Variants in COL4A1 observed in about 807,000 individuals in gnomAD.
The protein encoded by COL4A1 is collagen alpha-1(IV) chain.
A neutral mutation model predicts 216.6 loss-of-function variants in COL4A1; 40 were observed. The observed-to-expected ratio is 0.18, with a 90% CI of 0.14 to 0.24. The LOEUF is 0.24. Ranked by LOEUF, COL4A1 falls within the 10% of genes least tolerant of loss-of-function variation. COL4A1 has a pLI of 1.00. For missense variants in COL4A1, 1,628 were observed against 2,196.8 expected, an observed-to-expected ratio of 0.74 and a Z score of 5.18; for synonymous variants, 839 against 810.7, an observed-to-expected ratio of 1.03 and a Z score of -0.59.
intron 1 of COL4A1, among the ~76,000 whole-genome samples, chr13:110,266,273 C>T (rs1023455344): frequency 1.9e-4 from 29 of 152,296 alleles, no homozygotes; most frequent in Non-Finnish European, 3.8e-4. Context: ...CACCAAGCTC[C>T]GGGCCAGCCG....
At chr13:110,286,328 C>T (rs573252162) in intron 1 of COL4A1, among the ~76,000 whole-genome samples, 4 of 152,310 alleles carry the variant, frequency 2.6e-5, no homozygotes, top group African/African-American at 9.6e-5. Flanking sequence ...ACACTCGAAG[C>T]TCCTGAGGGT....
intron 2 of COL4A1, among the ~76,000 whole-genome samples, chr13:110,231,641 G>A (rs907010929): frequency 4.6e-5 from 7 of 152,246 alleles, no homozygotes; most frequent in South Asian, 2.1e-4. Flanking sequence ...CAGGACTGCC[G>A]CTGGCCACTA....
rs545561937 is a variant in COL4A1 at position 110,265,285 on chromosome 13, T to C, written c.85-22551A>G. 3.3e-5 allele frequency: 5 copies of C among 152,378 alleles called. No homozygotes were observed. In the South Asian group the frequency reaches 1.0e-3, roughly 32 times the overall value. The allele number at this position is 152,378 out of a possible 1,614,324, so 9.4% of individuals were successfully genotyped here. A position where few individuals can be genotyped will look rare whatever the true frequency, so the allele number is the denominator to read the frequency against. ...TTTTGGTTTATTTTCCATATGCAGATTTCCTAATTCTACGAAGGCAATTTG... is the reference window on the plus strand; with the variant it reads ...TTTTGGTTTATTTTCCATATGCAGACTTCCTAATTCTACGAAGGCAATTTG... On this transcript the variant is annotated intron_variant, in intron 1 of 51. Transcript: ENST00000375820.
chr13:110,175,027 C>A (rs147765486), intron 37 of COL4A1, among the ~76,000 whole-genome samples, 191 bp downstream of exon 37: 1 of 152,206 alleles, frequency 6.6e-6, no homozygotes, highest in African/African-American at 2.4e-5. Flanking sequence ...TAGCCTCTCA[C>A]CAGTCTCTAG....
chr13:110,213,879 C>G, intron 3 of COL4A1, 47 bp downstream of exon 3: 3 of 1,612,522 alleles, frequency 1.9e-6, no homozygotes, highest in Non-Finnish European at 2.5e-6. Flanking sequence ...CTCAAGAATG[C>G]GGGCAATCTT....
intron 2 of COL4A1, among the ~76,000 whole-genome samples, chr13:110,215,619 A>G (rs1259788275): frequency 3.3e-5 from 5 of 152,036 alleles, no homozygotes; most frequent in African/African-American, 1.2e-4. Flanking sequence ...AAACCTATTT[A>G]CTTTACAGCA....
At chr13:110,249,287 T>G (rs1006411281) in intron 1 of COL4A1, among the ~76,000 whole-genome samples, 1 of 152,078 alleles carries the variant, frequency 6.6e-6, no homozygotes, top group African/African-American at 2.4e-5. Flanking sequence ...CGGTAAAAAC[T>G]CATCGAGCTG....
chr13:110,206,091 G>C (rs1879502308), intron 15 of COL4A1, among the ~76,000 whole-genome samples: 1 of 152,182 alleles, frequency 6.6e-6, no homozygotes, highest in South Asian at 2.1e-4. Flanking sequence ...TGAGCTACAA[G>C]TCTTCTAAAA....
intron 46 of COL4A1, among the ~76,000 whole-genome samples, chr13:110,164,302 T>C (rs891715342): frequency 2.6e-5 from 4 of 152,166 alleles, no homozygotes; most frequent in African/African-American, 9.7e-5. Context: ...GCTAGCTTAT[T>C]CTTAAGTATC....
At chr13:110,230,892 G>T (rs1881024262) in intron 2 of COL4A1, among the ~76,000 whole-genome samples, 1 of 152,186 alleles carries the variant, frequency 6.6e-6, no homozygotes, top group Non-Finnish European at 1.5e-5. Flanking sequence ...GTCCAGGCAG[G>T]ACAGGGCACA....
At chr13:110,280,683 G>A (rs1594113052) in intron 1 of COL4A1, among the ~76,000 whole-genome samples, 1 of 152,124 alleles carries the variant, frequency 6.6e-6, no homozygotes, top group African/African-American at 2.4e-5. Flanking sequence ...AAGTGGCCTC[G>A]AAAAATCCCC....
At chr13:110,197,966 T>C (rs1159332133) in intron 21 of COL4A1, among the ~76,000 whole-genome samples, 2 of 152,208 alleles carry the variant, frequency 1.3e-5, no homozygotes, top group Non-Finnish European at 2.9e-5. Context: ...GCCATCTTAA[T>C]TGAGTCAAGA....
intron 1 of COL4A1, among the ~76,000 whole-genome samples, chr13:110,284,805 A>G (rs1883773637): frequency 6.6e-6 from 1 of 152,234 alleles, no homozygotes; most frequent in South Asian, 2.1e-4. Flanking sequence ...AACATCTGAA[A>G]AGAAGATGCA....
At chr13:110,179,079 C>T in intron 30 of COL4A1, 43 bp from the exon 31 acceptor site, 1 of 1,580,330 alleles carries the variant, frequency 6.3e-7, no homozygotes, top group Non-Finnish European at 8.7e-7. Flanking sequence ...GGAGCAGTGG[C>T]ACGTCTCCCG....
intron 23 of COL4A1, 48 bp from the exon 24 acceptor site, chr13:110,192,332 C>T: frequency 6.4e-7 from 1 of 1,559,176 alleles, no homozygotes; most frequent in Non-Finnish European, 8.8e-7. Context: ...ATTCATGAGA[C>T]ACTTCTCAAA....
intron 22 of COL4A1, 91 bp downstream of exon 22, chr13:110,194,932 A>G: frequency 3.9e-6 from 4 of 1,038,768 alleles, no homozygotes; most frequent in Non-Finnish European, 6.0e-6. Flanking sequence ...AACTCTGCCC[A>G]CCCCCACTTG....
intron 1 of COL4A1, among the ~76,000 whole-genome samples, chr13:110,287,802 T>G (rs1760309859): frequency 6.6e-6 from 1 of 152,228 alleles, no homozygotes; most frequent in Non-Finnish European, 1.5e-5. Flanking sequence ...TTTCAGGGGC[T>G]AATGCAGGCG....
intron 1 of COL4A1, among the ~76,000 whole-genome samples, chr13:110,266,648 T>A (rs1022304724): frequency 6.6e-6 from 1 of 152,192 alleles, no homozygotes; most frequent in Non-Finnish European, 1.5e-5. Context: ...ACATGGGATA[T>A]AAAATTGCAA....
Position 110,174,654 on chromosome 13 carries a change from A to G in COL4A1, c.3294T>C (p.Leu1098=). 6.2e-7 allele frequency: 1 copy of G among 1,614,018 alleles called. No individual in the cohort carries two copies. Among genetic ancestry groups the G allele is most frequent in the Non-Finnish European group, 8.5e-7 (1 of 1,179,970 alleles). The part of the protein sequence containing the change: ...GIPGMPGSPG[L]KGSPGSVGYP... ...AGCCAACACTCCCGGGAGACCCTTT[A>G]AGGCCTGGGGACCCTGGCATTCCTG... Residue 1098 remains leucine, a synonymous_variant, in exon 38 of 52, where the codon CTT becomes CTC. Coordinates refer to ENST00000375820, the MANE Select transcript of COL4A1 (RefSeq NM_001845.6).
Sources: allele counts gnomAD v4.1 joint callset (sites outside exome capture counted in the v4.1 genomes callset), GRCh38; gene constraint gnomAD v4.1.1; transcripts MANE v1.5; gene names NCBI Gene and HGNC (gene_info 2026-07-23, HGNC 2026-07-21).